The following CRACR2A variants were observed in gnomAD, a reference collection of about 807,000 sequenced individuals.
The protein encoded by CRACR2A is calcium release activated channel regulator 2A.
Under a neutral mutation model 90.5 loss-of-function variants are expected in CRACR2A, and 79 were observed. That is an observed-to-expected ratio of 0.87 (90% confidence interval 0.73 to 1.05). CRACR2A has a LOEUF of 1.05. CRACR2A is among the 50% of genes least tolerant of loss of function. The pLI is 0.00. For synonymous variants in CRACR2A, 338 were observed against 356.7 expected (o/e 0.95, Z 0.59); for missense variants, 823 against 897.2 (o/e 0.92, Z 1.06).
At chr12:3,642,357 T>C (rs1178124708) in intron 12 of CRACR2A, among the ~76,000 whole-genome samples, 1 of 152,120 alleles carries the variant, frequency 6.6e-6, no homozygotes, top group East Asian at 1.9e-4. Flanking sequence ...GCTAGGATTA[T>C]AGGCGCCCTA....
intron 15 of CRACR2A, among the ~76,000 whole-genome samples, chr12:3,630,167 A>C (rs1944354342): frequency 6.6e-6 from 1 of 152,132 alleles, no homozygotes; most frequent in Non-Finnish European, 1.5e-5. Context: ...GACAATCTTT[A>C]AGTGCAGCTG....
Position 3,741,823 on chromosome 12 carries a change from A to C in CRACR2A, c.-386-8613T>G, listed in dbSNP as rs145114149. On this transcript the variant is annotated intron_variant, in intron 1 of 19. Transcript: ENST00000440314. ...CAGGAGGATAGGAGACATGGCTTAC[A>C]TCTTAGTCCACAAAAAGAAAACACA... Among the ~76,000 whole-genome samples, 238 of 152,330 alleles carry C rather than the reference A, an allele frequency of 1.6e-3. 3 individuals are homozygous for C. Among genetic ancestry groups the C allele is most frequent in the African/African-American group, 5.4e-3 (226 of 41,562 alleles).
rs1278212676 is a variant in CRACR2A, at chr12:3,638,403, C to G, written c.1323G>C (p.Leu441=). 6 of 1,550,236 alleles carry G rather than the reference C, an allele frequency of 3.9e-6. No individual in the cohort carries two copies. The highest frequency in any genetic ancestry group is 4.9e-5 in the East Asian group (2 of 40,878). The change falls in exon 14 of 20, where the codon CTG becomes CTC. Residue 441 remains leucine (L), a synonymous_variant. Transcript: ENST00000440314. Reference sequence around the variant, plus strand: ...CTGTTAGGGGATATCCACTCAGGCCCAGGGAGCTTCTCCTTGGGATGCCAA... The same window carrying G: ...CTGTTAGGGGATATCCACTCAGGCCGAGGGAGCTTCTCCTTGGGATGCCAA... ...EVFGIPRRSS[L]GLSGYPLTEE...
rs116169818 is a variant in CRACR2A, at chr12:3,719,661, G to A, written c.-117-6344C>T. 2.7e-3 allele frequency among the ~76,000 whole-genome samples: 418 copies of A among 152,232 alleles called. 1 individual carries two copies. The highest frequency in any genetic ancestry group is 9.7e-3 in the African/African-American group (402 of 41,522). On this transcript the variant is annotated intron_variant, in intron 2 of 19. Transcript: ENST00000440314. ...TCTGAGATATTTAATACTAGAAACA[G>A]CCTCTGCTATACCATATTCTTTCAA...
intron 7 of CRACR2A, among the ~76,000 whole-genome samples, chr12:3,667,941 C>G (rs1312645367): frequency 6.6e-6 from 1 of 152,192 alleles, no homozygotes; most frequent in East Asian, 1.9e-4. Context: ...TGTGAAATTG[C>G]CGATTGGATT....
intron 2 of CRACR2A, among the ~76,000 whole-genome samples, chr12:3,721,086 T>G (rs1946163843): frequency 6.6e-6 from 1 of 152,154 alleles, no homozygotes; most frequent in African/African-American, 2.4e-5. Context: ...TGCCTGAGTT[T>G]TAAATAAGCA....
chr12:3,722,423 A>G (rs1351350423), intron 2 of CRACR2A, among the ~76,000 whole-genome samples: 1 of 152,204 alleles, frequency 6.6e-6, no homozygotes, highest in African/African-American at 2.4e-5. Flanking sequence ...TACAGTCTGA[A>G]GACAGTGTGG....
At position 3,681,786 on chromosome 12, in the gene CRACR2A, C is replaced by G. The variant is rs148673615; in HGVS notation, c.229-1437G>C. On this transcript the variant is annotated intron_variant, in intron 4 of 19. Coordinates refer to ENST00000440314, the MANE Select transcript of CRACR2A (RefSeq NM_001144958.2). ...ATTGGCAAGAATACTTGGCTTGATC[C>G]TATGGCAGTTCTAGCTGATAAGCCA... is the stretch of plus-strand genomic sequence containing the variant. Among the ~76,000 whole-genome samples the G allele has an allele frequency of 2.6e-3, 394 of 152,328 alleles. 2 individuals are homozygous for G. Among genetic ancestry groups the G allele is most frequent in the African/African-American group, 8.9e-3 (372 of 41,576 alleles).
At position 3,633,797 on chromosome 12, in the gene CRACR2A, C is replaced by T; in HGVS notation, c.1603-61G>A. ...ATAGTCTTGCCAGCCCCTGCCCCTG[C>T]CACCAGAGGCCCTTTACCCATCCCT... On this transcript the variant is annotated intron_variant, in intron 14 of 19. Transcript: ENST00000440314. The surrounding 1 kb of genome is among the most constrained non-coding windows in gnomAD (Gnocchi z 4.5). The T allele has an allele frequency of 8.4e-6, 13 of 1,545,590 alleles. No individual in the cohort carries two copies. Among genetic ancestry groups the T allele is most frequent in the Non-Finnish European group, 1.1e-5 (13 of 1,144,974 alleles).
chr12:3,686,708 C>T (rs1465176585), intron 4 of CRACR2A, among the ~76,000 whole-genome samples: 1 of 152,142 alleles, frequency 6.6e-6, no homozygotes, highest in Non-Finnish European at 1.5e-5. Context: ...AGACCTAACC[C>T]TGCAAAGCAA....
rs1185747181 is a variant in CRACR2A, at chr12:3,627,640, G to A, written c.1802C>T (p.Thr601Met). 2.7e-5 allele frequency: 42 copies of A among 1,551,632 alleles called. No individual in the cohort carries two copies. The highest frequency in any genetic ancestry group is 1.7e-4 in the Middle Eastern group (1 of 6,014). ...AGCTCCTCACCTCTCCTGCCCAGCC[G>A]TGTCCCACAGCTGCAGGGCCACCTG... ...NSQVALQLWD[T>M]AGQERYRCIT... The change falls in exon 16 of 20, where the codon ACG (threonine) becomes ATG (methionine). Residue 601 changes from threonine to methionine, a missense_variant. By Grantham distance (81) the Thr-to-Met change is moderately conservative. Coordinates refer to ENST00000440314, the MANE Select transcript of CRACR2A (RefSeq NM_001144958.2).
intron 10 of CRACR2A, among the ~76,000 whole-genome samples, chr12:3,653,337 T>C (rs1475423533): frequency 6.6e-6 from 1 of 152,208 alleles, no homozygotes. Flanking sequence ...AAGTGAGATA[T>C]ATTGAATGCC....
intron 4 of CRACR2A, among the ~76,000 whole-genome samples, chr12:3,683,984 G>A (rs985441366): frequency 1.1e-4 from 16 of 152,140 alleles, no homozygotes; most frequent in African/African-American, 3.6e-4. Flanking sequence ...CAGCAGTACT[G>A]AGAGTTCATG....
intron 7 of CRACR2A, among the ~76,000 whole-genome samples, chr12:3,669,177 C>T (rs1030594162): frequency 6.6e-6 from 1 of 152,196 alleles, no homozygotes; most frequent in Admixed American, 6.5e-5. Flanking sequence ...TAAGCCCCCA[C>T]CTCAGACAAG....
intron 17 of CRACR2A, among the ~76,000 whole-genome samples, chr12:3,619,595 T>A (rs1867774414): frequency 1.0e-5 from 1 of 98,298 alleles, no homozygotes; most frequent in South Asian, 3.0e-4. Flanking sequence ...GCCTGTGGTG[T>A]CTCCTAGTCC....
At position 3,638,385 on chromosome 12, in the gene CRACR2A, G is replaced by C. The variant is rs1161309848; in HGVS notation, c.1341C>G (p.Pro447=). 8 of 1,551,506 alleles carry C rather than the reference G, an allele frequency of 5.2e-6. No individual in the cohort carries two copies. The Admixed American group carries it at 7.8e-5, about 15-fold the overall frequency. The part of the protein sequence containing the change: ...RRSSLGLSGY[P]LTEEEPGTGE... Reference sequence around the variant, plus strand: ...CGGTTCCTGGCTCCTCTTCTGTTAGGGGATATCCACTCAGGCCCAGGGAGC... The same window carrying C: ...CGGTTCCTGGCTCCTCTTCTGTTAGCGGATATCCACTCAGGCCCAGGGAGC... The change falls in exon 14 of 20, where the codon CCC becomes CCG. Residue 447 remains proline (P), a synonymous_variant. Coordinates refer to ENST00000440314, the MANE Select transcript of CRACR2A (RefSeq NM_001144958.2).
chr12:3,653,312 T>G (rs190519888), intron 10 of CRACR2A, among the ~76,000 whole-genome samples: 96 of 152,286 alleles, frequency 6.3e-4, no homozygotes, highest in African/African-American at 2.0e-3. Context: ...CGAGAGGATG[T>G]CAAATTATCG....
intron 1 of CRACR2A, among the ~76,000 whole-genome samples, chr12:3,742,334 C>T (rs1464693928): frequency 6.6e-6 from 1 of 152,170 alleles, no homozygotes; most frequent in Admixed American, 6.5e-5. Flanking sequence ...CTCTATAGCT[C>T]TCTGGCACCT....
intron 1 of CRACR2A, among the ~76,000 whole-genome samples, chr12:3,744,937 T>C (rs1383010865): frequency 6.6e-6 from 1 of 152,202 alleles, no homozygotes; most frequent in African/African-American, 2.4e-5. Context: ...AATGATACAT[T>C]TTATGTTATG....
Sources: allele counts gnomAD v4.1 joint callset (sites outside exome capture counted in the v4.1 genomes callset), GRCh38; gene constraint gnomAD v4.1.1; non-coding constraint Gnocchi (gnomAD v3.1); transcripts MANE v1.5; gene names NCBI Gene and HGNC (gene_info 2026-07-23, HGNC 2026-07-21).